The following RPH3A variants were observed in gnomAD, a reference collection of about 807,000 sequenced individuals.
The protein encoded by RPH3A is rabphilin 3A.
Under a neutral mutation model 102.2 loss-of-function variants are expected in RPH3A, and 48 were observed. The observed-to-expected ratio is 0.47, with a 90% CI of 0.37 to 0.60. RPH3A has a LOEUF of 0.60. RPH3A is among the 20% of genes least tolerant of loss of function. The pLI is 0.00. For synonymous variants in RPH3A, 310 were observed against 324.3 expected (o/e 0.96, Z 0.47); for missense variants, 781 against 910.1 (o/e 0.86, Z 1.83).
intron 1 of RPH3A, among the ~76,000 whole-genome samples, chr12:112,731,542 A>G (rs1285954553): frequency 6.6e-6 from 1 of 152,204 alleles, no homozygotes; most frequent in Non-Finnish European, 1.5e-5. Context: ...TTTGTAACAA[A>G]TGGCAAATCA....
At chr12:112,664,874 G>A (rs2040073662) in intron 1 of RPH3A, among the ~76,000 whole-genome samples, 1 of 151,504 alleles carries the variant, frequency 6.6e-6, no homozygotes. Context: ...CTATATCACA[G>A]AAGGCTCCTC....
chr12:112,889,923 C>A, intron 17 of RPH3A, 101 bp from the exon 18 acceptor site: 1 of 1,075,864 alleles, frequency 9.3e-7, no homozygotes, highest in Non-Finnish European at 1.4e-6. Context: ...ACTTTCATGG[C>A]TCTGGATGGT....
Position 112,897,234 on chromosome 12 carries a change from T to C in RPH3A, c.*454T>C, listed in dbSNP as rs967925558. The C allele has an allele frequency of 1.8e-5, 3 of 162,192 alleles. No individual in the cohort carries two copies. 10.0% of individuals were successfully genotyped at this position (162,192 alleles called of 1,614,324 possible). ...CCCAGTTGTCAGCAGACCCGGACAA[T>C]GCTGTGAGAGAAGCATTGGGGCACA... On this transcript the variant is annotated 3_prime_UTR_variant, in exon 22 of 22. Transcript: ENST00000389385.
chr12:112,807,015 C>T (rs1269673709), intron 2 of RPH3A, among the ~76,000 whole-genome samples: 1 of 151,860 alleles, frequency 6.6e-6, no homozygotes, highest in Non-Finnish European at 1.5e-5. Flanking sequence ...TGTACAAAGG[C>T]CCTGAGGTAG....
At chr12:112,888,678 T>G (rs1360936576) in intron 17 of RPH3A, among the ~76,000 whole-genome samples, 1 of 152,208 alleles carries the variant, frequency 6.6e-6, no homozygotes, top group African/African-American at 2.4e-5. Flanking sequence ...GAACTGTCAT[T>G]GTTGTTGTCA....
chr12:112,676,081 C>T (rs887185162), intron 1 of RPH3A, among the ~76,000 whole-genome samples: 11 of 152,116 alleles, frequency 7.2e-5, no homozygotes, highest in African/African-American at 2.7e-4. Context: ...GGAAATCTGT[C>T]TGCGGCCCAG....
chr12:112,701,489 C>T (rs2040394047), intron 1 of RPH3A, among the ~76,000 whole-genome samples: 1 of 152,200 alleles, frequency 6.6e-6, no homozygotes. Context: ...GTGGTAGTTT[C>T]ACCTAAGGTC....
intron 16 of RPH3A, 69 bp downstream of exon 16, chr12:112,883,471 G>T: frequency 1.8e-6 from 2 of 1,112,910 alleles, no homozygotes; most frequent in Non-Finnish European, 2.7e-6. Flanking sequence ...CTGAGACTTG[G>T]GGTGAGGCCC....
At chr12:112,588,530 GTGGGGAT>G (rs2039454618) in intron 1 of RPH3A, among the ~76,000 whole-genome samples, 3 of 152,206 alleles carry the variant, frequency 2.0e-5, no homozygotes, top group Non-Finnish European at 4.4e-5. Context: ...CCCACGACAT[GTGGGGAT>G]TATGGGAGCT....
intron 16 of RPH3A, among the ~76,000 whole-genome samples, chr12:112,885,159 G>A (rs1195641590): frequency 2.0e-5 from 3 of 152,202 alleles, no homozygotes; most frequent in Non-Finnish European, 4.4e-5. Flanking sequence ...TACAAATAGT[G>A]CTGCTAGGAA....
chr12:112,586,657 A>G (rs1222637281), intron 1 of RPH3A, among the ~76,000 whole-genome samples: 1 of 152,126 alleles, frequency 6.6e-6, no homozygotes, highest in Non-Finnish European at 1.5e-5. Context: ...TGTGCATAGT[A>G]AGGTGTTTGT....
chr12:112,630,845 T>C (rs189784522), intron 1 of RPH3A, among the ~76,000 whole-genome samples: 6 of 152,254 alleles, frequency 3.9e-5, no homozygotes, highest in Non-Finnish European at 2.9e-5. Context: ...TGTCATTCAC[T>C]GTCTGTGGGA....
intron 1 of RPH3A, among the ~76,000 whole-genome samples, chr12:112,681,747 T>G (rs1478435413): frequency 6.6e-6 from 1 of 152,212 alleles, no homozygotes; most frequent in Non-Finnish European, 1.5e-5. Flanking sequence ...AATGAAATCC[T>G]CTGACATTCC....
chr12:112,868,883 A>G, intron 8 of RPH3A: 2 of 285,960 alleles, frequency 7.0e-6, no homozygotes, highest in Non-Finnish European at 1.3e-5. Flanking sequence ...AGGAACTGAG[A>G]GAGACTTTCA....
At chr12:112,704,343 G>A (rs2040414413) in intron 1 of RPH3A, among the ~76,000 whole-genome samples, 1 of 152,156 alleles carries the variant, frequency 6.6e-6, no homozygotes, top group African/African-American at 2.4e-5. Context: ...GCCCACCTCA[G>A]CCTCCCAAAA....
At chr12:112,616,786 T>C (rs1289617943) in intron 1 of RPH3A, among the ~76,000 whole-genome samples, 3 of 152,210 alleles carry the variant, frequency 2.0e-5, no homozygotes, top group African/African-American at 7.2e-5. Flanking sequence ...ACAGGAGTGA[T>C]CAGCTGTCAG....
At chr12:112,864,669 G>C (rs1369169399) in intron 5 of RPH3A, among the ~76,000 whole-genome samples, 2 of 152,128 alleles carry the variant, frequency 1.3e-5, no homozygotes, top group Non-Finnish European at 2.9e-5. Flanking sequence ...GGATACCTTG[G>C]AGGACTTATA....
At chr12:112,663,059 G>GGTGTGTGTGTGTGTGT (rs60392620) in intron 1 of RPH3A, among the ~76,000 whole-genome samples, 2,631 of 141,136 alleles carry the variant, frequency 0.019, 103 homozygotes, top group African/African-American at 0.067. Flanking sequence ...CTAAGTGATT[G>GGTGTGTGTGTGTGTGT]GTGTGTGTGT....
intron 2 of RPH3A, among the ~76,000 whole-genome samples, chr12:112,818,573 T>C (rs555700820): frequency 5.3e-5 from 8 of 152,212 alleles, no homozygotes; most frequent in South Asian, 4.2e-4. Context: ...TTCCACATAG[T>C]TCCAGCAAAA....
Sources: gnomAD v4.1 joint callset for allele counts (sites outside exome capture counted in the v4.1 genomes callset) on GRCh38, gnomAD v4.1.1 for gene constraint, MANE v1.5 for transcripts, NCBI Gene and HGNC (gene_info 2026-07-23, HGNC 2026-07-21) for gene names.